Variants in FSTL4 observed in about 807,000 individuals in gnomAD.
FSTL4 encodes follistatin-related protein 4.
In FSTL4, 28 loss-of-function variants were observed where a neutral mutation model predicts 78.2. The ratio of observed to expected loss-of-function variants is 0.36; its 90% confidence interval spans 0.27 to 0.49. The LOEUF (loss-of-function observed/expected upper bound fraction) is 0.49. Ranked by LOEUF, FSTL4 falls within the 20% of genes least tolerant of loss-of-function variation. The pLI is 0.98. For synonymous variants in FSTL4, 422 were observed against 440.5 expected, an observed-to-expected ratio of 0.96 and a Z score of 0.53; for missense variants, 922 against 1,084.9, an observed-to-expected ratio of 0.85 and a Z score of 2.11.
At chr5:133,804,279 G>A in the FSTL4 span, among the ~76,000 whole-genome samples, 1 of 152,150 alleles carries the variant, frequency 6.6e-6, no homozygotes. Context: ...CTGGCACTTT[G>A]GAGAAAAGCC....
intron 2 of FSTL4, among the ~76,000 whole-genome samples, chr5:133,588,345 G>A (rs1760552246): frequency 1.7e-5 from 1 of 59,794 alleles, no homozygotes; most frequent in African/African-American, 8.0e-5. Flanking sequence ...AGAGTGAACA[G>A]GCAACCTACA....
At chr5:133,450,173 A>G (rs184444273) in intron 3 of FSTL4, among the ~76,000 whole-genome samples, 2 of 152,250 alleles carry the variant, frequency 1.3e-5, no homozygotes, top group South Asian at 2.1e-4. Context: ...ATGCCCAAGG[A>G]AAAAACAGCC....
At chr5:133,567,864 A>G (rs553414397) in intron 2 of FSTL4, among the ~76,000 whole-genome samples, 98 of 152,370 alleles carry the variant, frequency 6.4e-4, no homozygotes, top group African/African-American at 2.3e-3. Context: ...GAAGTTACCC[A>G]GGTAAAACTG....
chr5:133,274,006 C>A lies in FSTL4; in HGVS notation c.728-24430G>T, dbSNP rs1018121006. Reference sequence around the variant, plus strand: ...GGAAAGATTTACTCTCCTTGGGGAACAAAGTCTTCCATGATGAGACACTTA... The same window carrying A: ...GGAAAGATTTACTCTCCTTGGGGAAAAAAGTCTTCCATGATGAGACACTTA... On this transcript the variant is annotated intron_variant, in intron 6 of 15. Transcript: ENST00000265342. Among the ~76,000 whole-genome samples, 7 of 152,206 alleles carry A rather than the reference C, an allele frequency of 4.6e-5. No individual in the cohort carries two copies. In the East Asian group the frequency reaches 9.6e-4, roughly 21 times the overall value.
At chr5:133,448,932 TTAATGGCGATTGAC>T (rs1757326347) in intron 3 of FSTL4, among the ~76,000 whole-genome samples, 1 of 152,160 alleles carries the variant, frequency 6.6e-6, no homozygotes, top group Non-Finnish European at 1.5e-5. Context: ...ACCCAGATGT[TTAATGGCGATTGAC>T]TAATTTATAC....
intron 3 of FSTL4, among the ~76,000 whole-genome samples, chr5:133,562,941 G>A (rs746706952): frequency 3.9e-5 from 6 of 152,178 alleles, no homozygotes; most frequent in South Asian, 2.1e-4. Flanking sequence ...CAGTGGACAC[G>A]GGAGTATCTT....
chr5:133,836,551 G>A, the FSTL4 span, among the ~76,000 whole-genome samples: 1 of 151,912 alleles, frequency 6.6e-6, no homozygotes, highest in Non-Finnish European at 1.5e-5. Flanking sequence ...TATGTGTGTG[G>A]ATGTATTTAT....
chr5:133,810,228 C>G, the FSTL4 span, among the ~76,000 whole-genome samples: 1 of 152,266 alleles, frequency 6.6e-6, no homozygotes, highest in East Asian at 1.9e-4. Context: ...GGTTGCCCCT[C>G]TTACAAATGA....
intron 3 of FSTL4, among the ~76,000 whole-genome samples, chr5:133,533,227 T>A (rs974864221): frequency 1.3e-5 from 2 of 152,166 alleles, no homozygotes; most frequent in African/African-American, 4.8e-5. Flanking sequence ...AATAAGTTTC[T>A]GGGTATTTGT....
intron 6 of FSTL4, among the ~76,000 whole-genome samples, chr5:133,284,488 G>A (rs1368106315): frequency 6.6e-6 from 1 of 152,156 alleles, no homozygotes; most frequent in African/African-American, 2.4e-5. Context: ...TGCTGCTGAC[G>A]CCCTGCTGAT....
At chr5:133,666,665 G>A in the FSTL4 span, among the ~76,000 whole-genome samples, 3 of 151,474 alleles carry the variant, frequency 2.0e-5, no homozygotes, top group South Asian at 2.1e-4. Flanking sequence ...GAACCTGCTC[G>A]TGCGATATAG....
At chr5:133,725,493 G>A in the FSTL4 span, among the ~76,000 whole-genome samples, 1 of 152,202 alleles carries the variant, frequency 6.6e-6, no homozygotes, top group Non-Finnish European at 1.5e-5. Flanking sequence ...AGATACACAT[G>A]CCACGCAAGT....
intron 3 of FSTL4, among the ~76,000 whole-genome samples, chr5:133,414,936 G>A (rs1225837609): frequency 1.3e-5 from 2 of 152,166 alleles, no homozygotes; most frequent in Non-Finnish European, 2.9e-5. Context: ...GCCTATTAAT[G>A]GGATACAATG....
At chr5:133,305,231 T>G (rs2126881531) in intron 6 of FSTL4, among the ~76,000 whole-genome samples, 1 of 152,298 alleles carries the variant, frequency 6.6e-6, no homozygotes, top group East Asian at 1.9e-4. Flanking sequence ...CCTGCAGTGA[T>G]GGGGACTCAC....
At chr5:133,346,485 C>T (rs1466258874) in intron 4 of FSTL4, among the ~76,000 whole-genome samples, 1 of 152,234 alleles carries the variant, frequency 6.6e-6, no homozygotes, top group Non-Finnish European at 1.5e-5. Context: ...TAATGCCAAT[C>T]TGCCAACAAT....
the FSTL4 span, among the ~76,000 whole-genome samples, chr5:133,738,933 C>G: frequency 5.9e-5 from 9 of 152,132 alleles, no homozygotes; most frequent in African/African-American, 1.4e-4. Flanking sequence ...CTCTTTCCAT[C>G]CAGAACTTTG....
the FSTL4 span, among the ~76,000 whole-genome samples, chr5:133,751,968 C>A: frequency 3.3e-5 from 5 of 152,182 alleles, no homozygotes; most frequent in African/African-American, 9.7e-5. Flanking sequence ...CCCTTCTCCA[C>A]CGTCTCTGCT....
chr5:133,382,210 G>C (rs113095427), intron 4 of FSTL4, among the ~76,000 whole-genome samples: 1 of 152,174 alleles, frequency 6.6e-6, no homozygotes, highest in Non-Finnish European at 1.5e-5. Flanking sequence ...GTTCTCAGAT[G>C]CCTGGCCTTC....
At chr5:133,257,878 G>C (rs577910821) in intron 6 of FSTL4, among the ~76,000 whole-genome samples, 4 of 152,200 alleles carry the variant, frequency 2.6e-5, no homozygotes, top group Non-Finnish European at 5.9e-5. Context: ...ATTTGCAAAA[G>C]GAGAGTATCC....
Sources: gnomAD v4.1 joint callset for allele counts (sites outside exome capture counted in the v4.1 genomes callset) on GRCh38, gnomAD v4.1.1 for gene constraint, MANE v1.5 for transcripts, NCBI Gene and HGNC (gene_info 2026-07-23, HGNC 2026-07-21) for gene names.